ROR2: variants seen among roughly 807,000 people sequenced by gnomAD.
ROR2 encodes the protein tyrosine-protein kinase transmembrane receptor ROR2.
A neutral mutation model predicts 74.9 loss-of-function variants in ROR2; 33 were observed. The ratio of observed to expected loss-of-function variants is 0.44; its 90% CI spans 0.33 to 0.59. The LOEUF is 0.59. Among genes scored for constraint, ROR2 ranks in the 20% least tolerant of loss-of-function variants. The probability of loss-of-function intolerance (pLI) is 0.02; values close to 1 mark genes in which losing one functional copy is unlikely to be tolerated. For synonymous variants in ROR2, 586 were observed against 558.7 expected, an observed-to-expected ratio of 1.05 and a Z score of -0.69; for missense variants, 1,216 against 1,313.8, an observed-to-expected ratio of 0.93 and a Z score of 1.15.
chr9:91,756,302 G>A (rs79117151), intron 3 of ROR2, among the ~76,000 whole-genome samples: 2 of 152,168 alleles, frequency 1.3e-5, no homozygotes, highest in African/African-American at 4.8e-5. Flanking sequence ...TGTCACTGAG[G>A]ATATCTTTGT....
intron 1 of ROR2, among the ~76,000 whole-genome samples, chr9:91,792,628 A>G (rs1336682295): frequency 6.6e-6 from 1 of 152,226 alleles, no homozygotes; most frequent in Non-Finnish European, 1.5e-5. Context: ...CTTTGAAAAG[A>G]TACTGGCAAA....
At chr9:91,865,964 C>A (rs1168655528) in intron 1 of ROR2, among the ~76,000 whole-genome samples, 1 of 152,194 alleles carries the variant, frequency 6.6e-6, no homozygotes, top group East Asian at 1.9e-4. Context: ...ATGACACTTT[C>A]TGAATTACCT....
intron 1 of ROR2, among the ~76,000 whole-genome samples, chr9:91,916,134 G>A (rs1399333250): frequency 1.3e-5 from 2 of 152,204 alleles, no homozygotes; most frequent in Admixed American, 6.5e-5. Context: ...AAGGAAGAAG[G>A]GAGGGAAGGG....
At position 91,934,436 on chromosome 9, in the gene ROR2, G is replaced by A. The variant is rs1007709759; in HGVS notation, c.97+15431C>T. 3.3e-5 allele frequency among the ~76,000 whole-genome samples: 5 copies of A among 152,222 alleles called. No homozygotes were observed. The East Asian group carries it at 9.7e-4, about 29-fold the overall frequency. On this transcript the variant is annotated intron_variant, in intron 1 of 8. Transcript: ENST00000375708. Reference sequence around the variant, plus strand: ...TAATTGGCCCCAGCCAAAACTCCCCGAATATTACAAGGACCCTTCCCCCAG... The same window carrying A: ...TAATTGGCCCCAGCCAAAACTCCCCAAATATTACAAGGACCCTTCCCCCAG...
chr9:91,884,288 A>G (rs11789285), intron 1 of ROR2, among the ~76,000 whole-genome samples: 11,733 of 152,116 alleles, frequency 0.077, 767 homozygotes, highest in African/African-American at 0.17. Flanking sequence ...GCAACAGACC[A>G]GCCAAGGCTG....
At chr9:91,795,437 A>G in intron 1 of ROR2, among the ~76,000 whole-genome samples, 1 of 152,220 alleles carries the variant, frequency 6.6e-6, no homozygotes, top group Admixed American at 6.5e-5. Context: ...GATTATCATA[A>G]AAATACATGT....
intron 1 of ROR2, among the ~76,000 whole-genome samples, chr9:91,880,017 T>C (rs897373034): frequency 6.6e-6 from 1 of 152,162 alleles, no homozygotes; most frequent in Admixed American, 6.5e-5. Context: ...TCGGCTGAAT[T>C]GTGACCTCCA....
At chr9:91,948,542 T>C in intron 1 of ROR2, 1 of 980,694 alleles carries the variant, frequency 1.0e-6, no homozygotes, top group Non-Finnish European at 1.2e-6. Flanking sequence ...TCTGACGTAA[T>C]CAACATCTGC....
intron 2 of ROR2, among the ~76,000 whole-genome samples, chr9:91,762,469 T>C (rs991739938): frequency 6.6e-6 from 1 of 152,222 alleles, no homozygotes; most frequent in African/African-American, 2.4e-5. Context: ...CATTCTTTTT[T>C]GATTTAAAAA....
At chr9:91,732,292 G>A (rs982777321) in intron 6 of ROR2, among the ~76,000 whole-genome samples, 2 of 152,190 alleles carry the variant, frequency 1.3e-5, no homozygotes, top group Non-Finnish European at 2.9e-5. Flanking sequence ...CCTGTCCTGT[G>A]TCTGCCATCC....
Position 91,746,045 on chromosome 9 carries a change from A to G in ROR2, c.495-8527T>C, listed in dbSNP as rs373416928. Among the ~76,000 whole-genome samples the G allele has an allele frequency of 7.9e-5, 12 of 152,100 alleles. No individual in the cohort carries two copies. The East Asian group carries it at 1.4e-3, about 17-fold the overall frequency. ...AGCCTTTTGCCTGAGTTTGTCAGCA[A>G]TAAGGTGGCTTGGTTTTTTTGTTTG... On this transcript the variant is annotated intron_variant, in intron 4 of 8. Transcript: ENST00000375708.
intron 1 of ROR2, among the ~76,000 whole-genome samples, chr9:91,823,240 G>A (rs1234165020): frequency 6.6e-6 from 1 of 152,166 alleles, no homozygotes. Context: ...TGCCATTATG[G>A]AGAATGACAG....
chr9:91,848,930 T>C (rs187665624), intron 1 of ROR2, among the ~76,000 whole-genome samples: 26 of 152,266 alleles, frequency 1.7e-4, no homozygotes, highest in African/African-American at 5.5e-4. Flanking sequence ...GCAATTACAA[T>C]TCCTTAAAAG....
intron 4 of ROR2, among the ~76,000 whole-genome samples, chr9:91,747,991 G>A (rs1371203414): frequency 6.6e-6 from 1 of 152,196 alleles, no homozygotes; most frequent in African/African-American, 2.4e-5. Context: ...CTAAGGTCAA[G>A]AGATCGGTTT....
intron 6 of ROR2, among the ~76,000 whole-genome samples, chr9:91,731,437 T>C (rs1189617380): frequency 2.6e-5 from 4 of 152,080 alleles, no homozygotes; most frequent in African/African-American, 9.7e-5. Flanking sequence ...CCCACCAGAA[T>C]GGGGATGTCT....
chr9:91,829,549 CAA>C (rs34687056), intron 1 of ROR2, among the ~76,000 whole-genome samples: 30 of 40,510 alleles, frequency 7.4e-4, no homozygotes, highest in African/African-American at 2.7e-3. Context: ...GACTCCGTCT[CAA>C]AAAAAAAAAA....
intron 1 of ROR2, among the ~76,000 whole-genome samples, chr9:91,858,697 C>G (rs1021191846): frequency 6.6e-6 from 1 of 152,170 alleles, no homozygotes; most frequent in African/African-American, 2.4e-5. Flanking sequence ...TGCACTACAG[C>G]TCACAGGCAG....
chr9:91,852,926 C>T (rs753148600), intron 1 of ROR2, among the ~76,000 whole-genome samples: 12 of 152,220 alleles, frequency 7.9e-5, no homozygotes, highest in Admixed American at 2.6e-4. Flanking sequence ...GACACGGCTG[C>T]CCCTCCTGCG....
At chr9:91,880,475 G>A (rs1830077941) in intron 1 of ROR2, among the ~76,000 whole-genome samples, 2 of 152,186 alleles carry the variant, frequency 1.3e-5, no homozygotes, top group African/African-American at 4.8e-5. Flanking sequence ...GTAGTGCTGT[G>A]AGCACACTAA....
Sources: gnomAD v4.1 joint callset for allele counts (sites outside exome capture counted in the v4.1 genomes callset) on GRCh38, gnomAD v4.1.1 for gene constraint, MANE v1.5 for transcripts, NCBI Gene and HGNC (gene_info 2026-07-23, HGNC 2026-07-21) for gene names.